CCDC92B: variants seen among roughly 807,000 people sequenced by gnomAD.
CCDC92B encodes the protein coiled-coil domain containing 92B, also known as coiled-coil domain-containing 92B.
Under a neutral mutation model 5.6 loss-of-function variants are expected in CCDC92B, and 2 were observed. The ratio of observed to expected loss-of-function variants is 0.36; its 90% CI spans 0.15 to 1.12. The LOEUF (loss-of-function observed/expected upper bound fraction) is 1.12. Ranked by LOEUF, CCDC92B falls within the 50% of genes most tolerant of loss-of-function variation. CCDC92B has a pLI of 0.40. For synonymous variants in CCDC92B, 115 were observed against 122.3 expected (o/e 0.94, Z 0.39); for missense variants, 271 against 262.2 (o/e 1.03, Z -0.23).
At chr17:2,740,305 TC>T (rs1227725129) in intron 1 of CCDC92B, among the ~76,000 whole-genome samples, 16 of 151,894 alleles carry the variant, frequency 1.1e-4, no homozygotes, top group African/African-American at 3.9e-4. Flanking sequence ...AATTAAGGCC[TC>T]CAATCAGTTG....
chr17:2,727,343 T>G (rs1294099589), intron 3 of CCDC92B, among the ~76,000 whole-genome samples: 2 of 152,206 alleles, frequency 1.3e-5, no homozygotes, highest in African/African-American at 4.8e-5. Context: ...GAGCTGGACC[T>G]GGGAACTGGT....
intron 2 of CCDC92B, among the ~76,000 whole-genome samples, chr17:2,733,747 T>G (rs1195729740): frequency 5.3e-5 from 2 of 37,602 alleles, no homozygotes; most frequent in African/African-American, 1.3e-4. Context: ...CCACTGGCTT[T>G]TTTTTTTTTT....
At chr17:2,736,158 G>A (rs150342745) in intron 1 of CCDC92B, among the ~76,000 whole-genome samples, 43 of 152,248 alleles carry the variant, frequency 2.8e-4, no homozygotes, top group African/African-American at 9.4e-4. Flanking sequence ...GGCCGGGCGC[G>A]GTGGCTCACA....
intron 1 of CCDC92B, among the ~76,000 whole-genome samples, chr17:2,738,578 G>T (rs1375621370): frequency 6.7e-6 from 1 of 150,288 alleles, no homozygotes; most frequent in Non-Finnish European, 1.5e-5. Flanking sequence ...CGAGACCACG[G>T]TGAAACCCCG....
At chr17:2,730,995 T>C (rs1386201653) in intron 2 of CCDC92B, among the ~76,000 whole-genome samples, 2 of 152,346 alleles carry the variant, frequency 1.3e-5, no homozygotes, top group East Asian at 1.9e-4. Flanking sequence ...TCTGGACACT[T>C]GCTTTTCACT....
chr17:2,738,784 T>C (rs1296963832), intron 1 of CCDC92B, among the ~76,000 whole-genome samples: 2 of 125,700 alleles, frequency 1.6e-5, no homozygotes, highest in African/African-American at 6.1e-5. Context: ...AAAAAAGAAA[T>C]GTAAGGCCTG....
intron 2 of CCDC92B, among the ~76,000 whole-genome samples, chr17:2,733,744 C>CA (rs2070824935): frequency 4.1e-5 from 2 of 49,308 alleles, no homozygotes; most frequent in Admixed American, 3.9e-4. Context: ...GGACCACTGG[C>CA]TTTTTTTTTT....
At chr17:2,732,908 G>T (rs1476139349) in intron 2 of CCDC92B, among the ~76,000 whole-genome samples, 3 of 151,732 alleles carry the variant, frequency 2.0e-5, no homozygotes, top group Non-Finnish European at 4.4e-5. Context: ...AGCTACTCGG[G>T]AGGCTGAGGC....
chr17:2,738,715 G>C (rs1306834706), intron 1 of CCDC92B, among the ~76,000 whole-genome samples: 1 of 149,846 alleles, frequency 6.7e-6, no homozygotes, highest in Non-Finnish European at 1.5e-5. Context: ...AGCTGAGATC[G>C]CGCCACTGCA....
chr17:2,731,429 C>T (rs927560696), intron 2 of CCDC92B, among the ~76,000 whole-genome samples: 3 of 152,192 alleles, frequency 2.0e-5, no homozygotes, highest in East Asian at 1.9e-4. Flanking sequence ...CAGACCGACT[C>T]GGGGGCACCT....
At chr17:2,728,947 T>C (rs1302161348) in intron 3 of CCDC92B, among the ~76,000 whole-genome samples, 1 of 152,180 alleles carries the variant, frequency 6.6e-6, no homozygotes, top group Non-Finnish European at 1.5e-5. Context: ...ATTTGATCTA[T>C]AAGCAATACA....
intron 2 of CCDC92B, 143 bp downstream of exon 2, chr17:2,734,873 G>T: frequency 1.8e-6 from 1 of 553,538 alleles, no homozygotes; most frequent in Non-Finnish European, 2.3e-6. Context: ...CCAAGTCCCA[G>T]TTTCCTTAAT....
chr17:2,748,597 G>A, intron 1 of CCDC92B: 1 of 985,022 alleles, frequency 1.0e-6, no homozygotes, highest in Non-Finnish European at 1.2e-6. Context: ...TGAGGGCAAG[G>A]CTTTGTCTCT....
chr17:2,731,196 A>G lies in CCDC92B; in HGVS notation c.131-703T>C, dbSNP rs528155775. Among the ~76,000 whole-genome samples, 5 of 152,266 alleles carry G rather than the reference A, an allele frequency of 3.3e-5. No individual in the cohort carries two copies. In the East Asian group the frequency reaches 9.7e-4, roughly 29 times the overall value. On this transcript the variant is annotated intron_variant, in intron 2 of 3. Transcript: ENST00000614400. ...GGCAGCCTAGGAGCCACTCAAGGGC[A>G]CTGGTGCAGGAGCAGTTTCCTCCTG...
At chr17:2,733,293 C>G (rs983670729) in intron 2 of CCDC92B, among the ~76,000 whole-genome samples, 41 of 146,174 alleles carry the variant, frequency 2.8e-4, no homozygotes, top group African/African-American at 9.3e-4. Flanking sequence ...GAGTTTCACT[C>G]TTGTTGCCCA....
intron 3 of CCDC92B, among the ~76,000 whole-genome samples, chr17:2,728,608 A>AG (rs1485752508): frequency 2.0e-5 from 3 of 151,872 alleles, no homozygotes; most frequent in African/African-American, 4.8e-5. Flanking sequence ...GTCTCAAAAA[A>AG]AAAAAACAAA....
At position 2,735,113 on chromosome 17, in the gene CCDC92B, C is replaced by T. The variant is rs543373105; in HGVS notation, c.33G>A (p.Gln11=). The stretch of plus-strand genomic sequence containing the variant: ...GGAAGCTGATGTGGCGTTGCACGCT[C>T]TGGATCTGATGCTCCAGGGACACGG... MDTVSLEHQI[Q]SVQRHISFLK... The change falls in exon 2 of 4, where the codon CAG becomes CAA. Residue 11 remains glutamine, a synonymous_variant. Coordinates refer to ENST00000614400, the MANE Select transcript of CCDC92B (RefSeq NM_001355573.2). 1.0e-6 allele frequency: 1 copy of T among 985,638 alleles called. No individual in the cohort carries two copies. The highest frequency in any genetic ancestry group is 1.7e-5 in the African/African-American group (1 of 57,382). 61.1% of individuals were successfully genotyped at this position (985,638 alleles called of 1,614,324 possible).
intron 1 of CCDC92B, among the ~76,000 whole-genome samples, chr17:2,738,601 A>T (rs1327713822): frequency 6.7e-6 from 1 of 149,620 alleles, no homozygotes; most frequent in Non-Finnish European, 1.5e-5. Context: ...TCTACTAAAA[A>T]TATAAAAAAT....
chr17:2,722,432 C>T lies in CCDC92B; in HGVS notation c.*1979G>A, dbSNP rs2070668522. On this transcript the variant is annotated 3_prime_UTR_variant, in exon 4 of 4. Transcript: ENST00000614400. ...CCAAGGGTGCCCCAACCTCAGCCATCTGCATCCCAGGAGCTGGACACCCCA... is the reference window on the plus strand; with the variant it reads ...CCAAGGGTGCCCCAACCTCAGCCATTTGCATCCCAGGAGCTGGACACCCCA... 6.6e-6 allele frequency: 1 copy of T among 152,346 alleles called. No homozygotes were observed. The highest frequency in any genetic ancestry group is 2.4e-5 in the African/African-American group (1 of 41,430). The allele number at this position is 152,346 out of a possible 1,614,324, so 9.4% of individuals were successfully genotyped here. A position where few individuals can be genotyped will look rare whatever the true frequency, so the allele number is the denominator to read the frequency against.
Sources: gnomAD v4.1 joint callset for allele counts (sites outside exome capture counted in the v4.1 genomes callset) on GRCh38, gnomAD v4.1.1 for gene constraint, MANE v1.5 for transcripts, NCBI Gene and HGNC (gene_info 2026-07-23, HGNC 2026-07-21) for gene names.